MSI1: variants seen among roughly 807,000 people sequenced by gnomAD.
The protein encoded by MSI1 is RNA-binding protein Musashi homolog 1.
MSI1 carries 15 observed loss-of-function variants against 54.4 expected under a neutral mutation model. That is an observed-to-expected ratio of 0.28 (90% CI 0.18 to 0.42). The LOEUF (loss-of-function observed/expected upper bound fraction) is 0.42. MSI1 is among the 20% of genes least tolerant of loss of function. MSI1 has a pLI of 1.00. For synonymous variants in MSI1, 200 were observed against 196.5 expected (o/e 1.02, Z -0.15); for missense variants, 304 against 506.0 (o/e 0.60, Z 3.83).
In MSI1 at chr12:120,368,694, C is replaced by A; in HGVS notation, c.100+139G>T. The stretch of plus-strand genomic sequence containing the variant: ...GCGGATCGCCCTGCGCTCTCGGGGT[C>A]TCCGGGCGGGGCGCGAAAGAGGGCG... On this transcript the variant is annotated intron_variant, in intron 2 of 14. Transcript: ENST00000257552. This position sits in a 1 kb window ranked among gnomAD's most constrained non-coding sequence, Gnocchi z 6.6. 1 of 762,366 alleles carries A rather than the reference C, an allele frequency of 1.3e-6. No individual in the cohort carries two copies. Among genetic ancestry groups the A allele is most frequent in the South Asian group, 6.2e-5 (1 of 16,204 alleles). 47.2% of individuals were successfully genotyped at this position (762,366 alleles called of 1,614,324 possible).
chr12:120,346,464 A>G (rs1333725646), intron 12 of MSI1, 142 bp from the exon 13 acceptor site: 3 of 765,626 alleles, frequency 3.9e-6, no homozygotes, highest in Non-Finnish European at 5.7e-6. Context: ...AGATCTCCCC[A>G]TGCCCATCCA....
In MSI1 at chr12:120,357,813, C is replaced by T; in HGVS notation, c.534+3G>A. 6.2e-7 allele frequency: 1 copy of T among 1,613,986 alleles called. No homozygotes were observed. Reference sequence around the variant, plus strand: ...TGAGCCACTGCGCCCGGACCCAACTCACCATTTTGTTGTTGATTTCATGAA... The same window carrying T: ...TGAGCCACTGCGCCCGGACCCAACTTACCATTTTGTTGTTGATTTCATGAA... On this transcript the variant is annotated splice_donor_region_variant and intron_variant, in intron 8 of 14. Transcript: ENST00000257552.
At chr12:120,367,984 C>T (rs1445812331) in intron 4 of MSI1, 24 bp downstream of exon 4, 2 of 1,594,920 alleles carry the variant, frequency 1.3e-6, no homozygotes, top group Non-Finnish European at 1.7e-6. Flanking sequence ...CCAAAGGACC[C>T]CCGAAGCCCC....
chr12:120,348,573 A>AT (rs1200954644), intron 11 of MSI1, among the ~76,000 whole-genome samples: 2 of 150,650 alleles, frequency 1.3e-5, no homozygotes, highest in Middle Eastern at 3.4e-3. Context: ...TTTTAAATTA[A>AT]TTTTTTTGTA....
At chr12:120,350,937 C>T (rs1198089193) in intron 11 of MSI1, among the ~76,000 whole-genome samples, 1 of 152,120 alleles carries the variant, frequency 6.6e-6, no homozygotes, top group Non-Finnish European at 1.5e-5. Flanking sequence ...GTCTGTGTCC[C>T]CTCCCGGCAA....
chr12:120,369,147 G>T lies in MSI1; in HGVS notation c.-56C>A, dbSNP rs1048618787. On this transcript the variant is annotated 5_prime_UTR_variant, in exon 1 of 15. Transcript: ENST00000257552. ...CGGCGGCGGCGGCGGCGGCGGCGGC[G>T]CTCGGCGCGGGGCAGATGAGGAGCG... The T allele has an allele frequency of 2.0e-5, 20 of 999,896 alleles. No individual in the cohort carries two copies. Among genetic ancestry groups the T allele is most frequent in the Non-Finnish European group, 2.3e-5 (19 of 844,376 alleles). The allele number at this position is 999,896 out of a possible 1,614,324, so 61.9% of individuals were successfully genotyped here. A position where few individuals can be genotyped will look rare whatever the true frequency, so the allele number is the denominator to read the frequency against.
At chr12:120,357,983 C>T in intron 7 of MSI1, 85 bp from the exon 8 acceptor site, 2 of 1,111,138 alleles carry the variant, frequency 1.8e-6, no homozygotes, top group Admixed American at 1.8e-5. Context: ...AATATCCCCG[C>T]TCCTCTCTCT....
intron 8 of MSI1, among the ~76,000 whole-genome samples, chr12:120,357,481 C>T (rs759156058): frequency 2.4e-4 from 36 of 152,306 alleles, no homozygotes; most frequent in South Asian, 4.1e-4. Flanking sequence ...TCCATCCAAT[C>T]CCAACTCACC....
Position 120,342,138 on chromosome 12 carries a change from C to G in MSI1, c.*989G>C, listed in dbSNP as rs528566152. ...GGAAGGGGGACAGACTGAGCAGAAA[C>G]CATGAAGCCCCAACCTAGGTAGGGA... On this transcript the variant is annotated 3_prime_UTR_variant, in exon 15 of 15. Coordinates refer to ENST00000257552, the MANE Select transcript of MSI1 (RefSeq NM_002442.4). 1 of 153,428 alleles carries G rather than the reference C, an allele frequency of 6.5e-6. No individual in the cohort carries two copies. The highest frequency in any genetic ancestry group is 2.4e-5 in the African/African-American group (1 of 41,596). 9.5% of individuals were successfully genotyped at this position (153,428 alleles called of 1,614,324 possible).
intron 7 of MSI1, 35 bp from the exon 8 acceptor site, chr12:120,357,933 A>G: frequency 6.2e-7 from 1 of 1,601,548 alleles, no homozygotes; most frequent in Non-Finnish European, 8.6e-7. Context: ...GCAAGGTCAG[A>G]ACCAGAGCGC....
downstream of MSI1, among the ~76,000 whole-genome samples, chr12:120,340,269 T>A (rs1332353243): frequency 6.6e-6 from 1 of 151,890 alleles, no homozygotes; most frequent in African/African-American, 2.4e-5. Context: ...TGTATTTTAG[T>A]AGAGACGGGG....
chr12:120,344,090 A>G (rs796905400), intron 14 of MSI1, among the ~76,000 whole-genome samples: 1 of 152,314 alleles, frequency 6.6e-6, no homozygotes, highest in South Asian at 2.1e-4. Context: ...TCCTGACCTC[A>G]GGTGATCCGC....
At chr12:120,362,047 G>A (rs1463261751) in intron 6 of MSI1, among the ~76,000 whole-genome samples, 1 of 151,872 alleles carries the variant, frequency 6.6e-6, no homozygotes, top group African/African-American at 2.4e-5. Context: ...ACCCTCTGGG[G>A]CCCGGGCCCG....
intron 14 of MSI1, among the ~76,000 whole-genome samples, chr12:120,344,886 C>A (rs191614249): frequency 1.3e-5 from 2 of 151,434 alleles, no homozygotes; most frequent in Admixed American, 1.3e-4. Context: ...TGCGGTAGCA[C>A]ATGCCTGTAA....
chr12:120,343,267 G>T (rs200804404), intron 14 of MSI1, among the ~76,000 whole-genome samples, 162 bp from the exon 15 acceptor site: 1 of 151,702 alleles, frequency 6.6e-6, no homozygotes, highest in Non-Finnish European at 1.5e-5. Flanking sequence ...CAGTGACAGC[G>T]ATCATAGTTC....
chr12:120,357,804 G>A lies in MSI1; in HGVS notation c.534+12C>T. The A allele has an allele frequency of 6.2e-7, 1 of 1,613,448 alleles. No individual in the cohort carries two copies. Among genetic ancestry groups the A allele is most frequent in the Non-Finnish European group, 8.5e-7 (1 of 1,179,756 alleles). ...TTACAGGCGTGAGCCACTGCGCCCG[G>A]ACCCAACTCACCATTTTGTTGTTGA... On this transcript the variant is annotated intron_variant, in intron 8 of 14. Coordinates refer to ENST00000257552, the MANE Select transcript of MSI1 (RefSeq NM_002442.4).
chr12:120,342,598 G>A lies in MSI1; in HGVS notation c.*529C>T, dbSNP rs553114770. The A allele has an allele frequency of 2.0e-5, 3 of 151,008 alleles. No homozygotes were observed. Among genetic ancestry groups the A allele is most frequent in the South Asian group, 2.1e-4 (1 of 4,764 alleles). The allele number at this position is 151,008 out of a possible 1,614,324, so 9.4% of individuals were successfully genotyped here. ...GGGCACCTGGCCCCTTGCCCCCTGC[G>A]GCCTGGGGCTTCACATTCACAAACC... On this transcript the variant is annotated 3_prime_UTR_variant, in exon 15 of 15. Transcript: ENST00000257552.
At chr12:120,347,543 A>G (rs1874239819) in intron 11 of MSI1, 29 bp from the exon 12 acceptor site, 1 of 1,613,810 alleles carries the variant, frequency 6.2e-7, no homozygotes, top group Non-Finnish European at 8.5e-7. Context: ...GCACATCAGC[A>G]TGGCGGTGAG....
intron 9 of MSI1, among the ~76,000 whole-genome samples, chr12:120,353,617 G>A (rs1475931670): frequency 6.6e-6 from 1 of 152,220 alleles, no homozygotes; most frequent in African/African-American, 2.4e-5. Context: ...AGGAAACTGA[G>A]GCTCTGAAAG....
Sources: gnomAD v4.1 joint callset for allele counts (sites outside exome capture counted in the v4.1 genomes callset) on GRCh38, gnomAD v4.1.1 for gene constraint, Gnocchi (gnomAD v3.1) non-coding constraint, MANE v1.5 for transcripts, NCBI Gene and HGNC (gene_info 2026-07-23, HGNC 2026-07-21) for gene names.